Variants in WDFY3 observed in about 807,000 individuals in gnomAD.
The protein encoded by WDFY3 is WD repeat and FYVE domain-containing protein 3.
A neutral mutation model predicts 409.6 loss-of-function variants in WDFY3; 66 were observed. The ratio of observed to expected loss-of-function variants is 0.16; its 90% confidence interval spans 0.13 to 0.20. WDFY3 has a LOEUF of 0.20. Among genes scored for constraint, WDFY3 ranks in the 10% least tolerant of loss-of-function variants. WDFY3 has a pLI of 1.00. For synonymous variants in WDFY3, 1,521 were observed against 1,537.1 expected (o/e 0.99, Z 0.25); for missense variants, 3,031 against 4,298.1 (o/e 0.71, Z 8.24).
intron 4 of WDFY3, among the ~76,000 whole-genome samples, chr4:84,859,107 G>A (rs996890655): frequency 2.6e-5 from 4 of 151,656 alleles, no homozygotes; most frequent in African/African-American, 9.7e-5. Flanking sequence ...AGCGAGAGAA[G>A]GGAAACCAAG....
At chr4:84,959,181 G>C (rs1774610324) in intron 1 of WDFY3, among the ~76,000 whole-genome samples, 1 of 152,054 alleles carries the variant, frequency 6.6e-6, no homozygotes, top group South Asian at 2.1e-4. Context: ...ATGAATGGCT[G>C]TCAGAGATGT....
At position 84,753,891 on chromosome 4, in the gene WDFY3, T is replaced by C. The variant is rs375293129; in HGVS notation, c.5560-15A>G. The C allele has an allele frequency of 9.8e-5, 153 of 1,563,902 alleles. No homozygotes were observed. Among genetic ancestry groups the C allele is most frequent in the Admixed American group, 1.4e-4 (7 of 49,324 alleles). On this transcript the variant is annotated splice_polypyrimidine_tract_variant and intron_variant, in intron 34 of 67. Coordinates refer to ENST00000295888, the MANE Select transcript of WDFY3 (RefSeq NM_014991.6). ...GATTGCCAAGGCTGTTATGGGGACA[T>C]GAGAGGAAACACTATGTTACAGTTA...
intron 48 of WDFY3, 94 bp from the exon 49 acceptor site, chr4:84,717,110 G>A (rs1734069912): frequency 4.6e-6 from 6 of 1,293,872 alleles, no homozygotes; most frequent in Non-Finnish European, 6.0e-6. Flanking sequence ...CACATGAACA[G>A]GATGGAGGAG....
intron 36 of WDFY3, among the ~76,000 whole-genome samples, chr4:84,744,314 CT>C (rs963842980): frequency 6.6e-6 from 1 of 151,640 alleles, no homozygotes; most frequent in Non-Finnish European, 1.5e-5. Context: ...ACCCAAGAAT[CT>C]AGTAATCAAG....
chr4:84,769,068 A>C (rs1744179808), intron 30 of WDFY3, among the ~76,000 whole-genome samples: 2 of 152,220 alleles, frequency 1.3e-5, no homozygotes, highest in South Asian at 4.1e-4. Flanking sequence ...TAGAATTAGA[A>C]GTGAAGCCTA....
chr4:84,859,339 GTATGTATGTATGTACAT>G (rs1333013395), intron 4 of WDFY3, among the ~76,000 whole-genome samples: 1 of 152,126 alleles, frequency 6.6e-6, no homozygotes, highest in Non-Finnish European at 1.5e-5. Context: ...GTGTATGTAT[GTATGTATGTATGTACAT>G]TATGGTTTGG....
intron 53 of WDFY3, among the ~76,000 whole-genome samples, chr4:84,706,362 T>A (rs987011011): frequency 2.0e-5 from 3 of 152,116 alleles, no homozygotes; most frequent in African/African-American, 7.2e-5. Flanking sequence ...AGTACCTTGT[T>A]TATATTTTCT....
At chr4:84,791,966 C>G (rs1364059766) in intron 21 of WDFY3, among the ~76,000 whole-genome samples, 1 of 152,122 alleles carries the variant, frequency 6.6e-6, no homozygotes, top group Admixed American at 6.5e-5. Context: ...AATGGCAAGA[C>G]AGCGGTGGAA....
chr4:84,767,365 CCT>C (rs1743845715), intron 30 of WDFY3, among the ~76,000 whole-genome samples: 1 of 152,044 alleles, frequency 6.6e-6, no homozygotes, highest in South Asian at 2.1e-4. Context: ...CTCCCTATTC[CCT>C]GAGTCACAAT....
intron 34 of WDFY3, among the ~76,000 whole-genome samples, chr4:84,754,258 G>C (rs17368458): frequency 0.036 from 5,433 of 152,158 alleles, 99 homozygotes; most frequent in South Asian, 0.05. Flanking sequence ...AAAAGGTAGG[G>C]AAGTTACTTC....
intron 25 of WDFY3, among the ~76,000 whole-genome samples, chr4:84,781,319 A>T (rs1305812070): frequency 6.6e-6 from 1 of 152,040 alleles, no homozygotes; most frequent in African/African-American, 2.4e-5. Flanking sequence ...TTTAAAAAAT[A>T]AAAGTAACAT....
In WDFY3 at chr4:84,789,669, A is replaced by C. The variant is rs550708758; in HGVS notation, c.3669+57T>G. The C allele has an allele frequency of 1.7e-4, 182 of 1,057,768 alleles. 1 individual carries two copies. The highest frequency in any genetic ancestry group is 2.5e-4 in the East Asian group (8 of 31,972). 65.5% of individuals were successfully genotyped at this position (1,057,768 alleles called of 1,614,324 possible). A position where few individuals can be genotyped will look rare whatever the true frequency, so the allele number is the denominator to read the frequency against. Reference sequence around the variant, plus strand: ...CACACACACACACACACACACACACACCCCCCAAACTACTACCTTATAAAA... The same window carrying C: ...CACACACACACACACACACACACACCCCCCCCAAACTACTACCTTATAAAA... On this transcript the variant is annotated intron_variant, in intron 22 of 67. Coordinates refer to ENST00000295888, the MANE Select transcript of WDFY3 (RefSeq NM_014991.6).
At position 84,796,686 on chromosome 4, in the gene WDFY3, T is replaced by G. The variant is rs1473726069; in HGVS notation, c.3002A>C (p.His1001Pro). 6.2e-7 allele frequency: 1 copy of G among 1,614,030 alleles called. No individual in the cohort carries two copies. The highest frequency in any genetic ancestry group is 1.7e-5 in the Admixed American group (1 of 60,000). Residue 1001 changes from histidine (H) to proline (P), a missense_variant, in exon 19 of 68, where the codon CAT (histidine) becomes CCT (proline). Coordinates refer to ENST00000295888, the MANE Select transcript of WDFY3 (RefSeq NM_014991.6). Reference protein sequence around the residue: ...DNVFSLHEDNHYRISKSLVKS... With the variant: ...DNVFSLHEDNPYRISKSLVKS... ...TACCAGGCTCTTGCTTATCCGGTAA[T>G]GGTTATCTTCATGTAAGCTAAAAAC...
intron 27 of WDFY3, among the ~76,000 whole-genome samples, chr4:84,778,125 A>G (rs1745869210): frequency 6.6e-6 from 1 of 152,158 alleles, no homozygotes; most frequent in African/African-American, 2.4e-5. Context: ...AAATGTGAAC[A>G]TAAAATGAAT....
chr4:84,698,787 G>C (rs1410707620), intron 56 of WDFY3, among the ~76,000 whole-genome samples: 1 of 152,028 alleles, frequency 6.6e-6, no homozygotes, highest in Non-Finnish European at 1.5e-5. Flanking sequence ...TCTGCCTCCC[G>C]GGTGAGTCTT....
chr4:84,875,307 G>C (rs1297955173), intron 3 of WDFY3, among the ~76,000 whole-genome samples: 1 of 113,232 alleles, frequency 8.8e-6, no homozygotes, highest in African/African-American at 3.6e-5. Flanking sequence ...CACACACACA[G>C]AACATACAGT....
intron 30 of WDFY3, among the ~76,000 whole-genome samples, chr4:84,768,345 G>T (rs1744051221): frequency 6.6e-6 from 1 of 152,162 alleles, no homozygotes; most frequent in South Asian, 2.1e-4. Flanking sequence ...TGCCATCTAG[G>T]ACTTTCATAG....
At chr4:84,777,512 TGTTACTG>T (rs1745758894) in intron 27 of WDFY3, among the ~76,000 whole-genome samples, 1 of 152,008 alleles carries the variant, frequency 6.6e-6, no homozygotes, top group Non-Finnish European at 1.5e-5. Context: ...CAATAGCCAA[TGTTACTG>T]AGAGCTGCGG....
At chr4:84,770,328 G>A (rs530989142) in intron 30 of WDFY3, among the ~76,000 whole-genome samples, 1 of 152,036 alleles carries the variant, frequency 6.6e-6, no homozygotes, top group Admixed American at 6.6e-5. Context: ...GCGCCCGGCC[G>A]AGTTATATAC....
Sources: gnomAD v4.1 joint callset for allele counts (sites outside exome capture counted in the v4.1 genomes callset) on GRCh38, gnomAD v4.1.1 for gene constraint, MANE v1.5 for transcripts, NCBI Gene and HGNC (gene_info 2026-07-23, HGNC 2026-07-21) for gene names.